NRCAM: variants seen among roughly 807,000 people sequenced by gnomAD.
The protein encoded by NRCAM is NgCAM-related cell adhesion molecule.
A neutral mutation model predicts 156.5 loss-of-function variants in NRCAM; 83 were observed. The ratio of observed to expected loss-of-function variants is 0.53; its 90% confidence interval spans 0.44 to 0.64. The LOEUF is 0.64. Ranked by LOEUF, NRCAM falls within the 30% of genes least tolerant of loss-of-function variation. The probability of loss-of-function intolerance (pLI) is 0.00; values close to 1 mark genes in which losing one functional copy is unlikely to be tolerated. For missense variants in NRCAM, 1,417 were observed against 1,597.3 expected (o/e 0.89, Z 1.92); for synonymous variants, 538 against 563.9 (o/e 0.95, Z 0.65).
At chr7:108,370,031 A>G (rs1044713724) in intron 2 of NRCAM, among the ~76,000 whole-genome samples, 32 of 152,174 alleles carry the variant, frequency 2.1e-4, no homozygotes, top group African/African-American at 7.2e-4. Flanking sequence ...GTCTGAAAAT[A>G]TTCGGTAATA....
At chr7:108,448,590 T>C (rs1847001507) in intron 1 of NRCAM, among the ~76,000 whole-genome samples, 1 of 152,062 alleles carries the variant, frequency 6.6e-6, no homozygotes, top group African/African-American at 2.4e-5. Context: ...GCTTTTTATT[T>C]CACTTATTAT....
chr7:108,346,610 G>A (rs1055301498), intron 2 of NRCAM, among the ~76,000 whole-genome samples: 2 of 152,124 alleles, frequency 1.3e-5, no homozygotes, highest in African/African-American at 4.8e-5. Flanking sequence ...AGGACAAAAA[G>A]TGCTGGGTTT....
At chr7:108,357,688 G>C (rs533841774) in intron 2 of NRCAM, among the ~76,000 whole-genome samples, 63 of 152,282 alleles carry the variant, frequency 4.1e-4, no homozygotes, top group African/African-American at 1.5e-3. Flanking sequence ...TGGTCTTAGA[G>C]ATTCTATTTA....
At chr7:108,374,816 T>G (rs2099665246) in intron 2 of NRCAM, among the ~76,000 whole-genome samples, 1 of 152,086 alleles carries the variant, frequency 6.6e-6, no homozygotes, top group Admixed American at 6.6e-5. Context: ...GATCAATGAT[T>G]AGGGAGAGCT....
Position 108,195,813 on chromosome 7 carries a change from G to T in NRCAM, c.1411C>A (p.Pro471Thr). The change falls in exon 15 of 33, where the codon CCT becomes ACT. Residue 471 changes from proline to threonine, a missense_variant. This residue lies in a region of NRCAM where 1,238 missense variants were observed against 1,336.4 expected (regional missense o/e 0.93). Transcript: ENST00000379028. Reference protein sequence around the residue: ...NTLYQVIANRPALLDCAFFGS... With the variant: ...NTLYQVIANRTALLDCAFFGS... ...AAGAAGGCACAGTCTAGTAAAGCAG[G>T]CCTGTTTGCAATGACCTGGTAGAGT... 1.9e-6 allele frequency: 3 copies of T among 1,613,672 alleles called. No homozygotes were observed. Among genetic ancestry groups the T allele is most frequent in the Non-Finnish European group, 2.5e-6 (3 of 1,179,714 alleles).
intron 8 of NRCAM, among the ~76,000 whole-genome samples, chr7:108,227,257 T>C (rs1172407725): frequency 6.6e-6 from 1 of 152,188 alleles, no homozygotes; most frequent in Non-Finnish European, 1.5e-5. Context: ...AGCATAATAA[T>C]TTATTAGTAC....
intron 30 of NRCAM, among the ~76,000 whole-genome samples, chr7:108,165,601 G>A (rs916182544): frequency 3.9e-5 from 6 of 152,088 alleles, no homozygotes; most frequent in Non-Finnish European, 8.8e-5. Flanking sequence ...TTAACACACT[G>A]GTTTCCCAGG....
chr7:108,192,208 A>T (rs1033366392), intron 17 of NRCAM, among the ~76,000 whole-genome samples: 1 of 151,656 alleles, frequency 6.6e-6, no homozygotes, highest in Admixed American at 6.6e-5. Flanking sequence ...CTTAGGCCCC[A>T]GGGGAATGGG....
intron 3 of NRCAM, among the ~76,000 whole-genome samples, chr7:108,305,463 A>G (rs1299027146): frequency 6.6e-6 from 1 of 152,124 alleles, no homozygotes. Context: ...GCCATTTAGG[A>G]AACTACATTA....
At chr7:108,293,701 GT>G (rs2098383441) in intron 3 of NRCAM, among the ~76,000 whole-genome samples, 1 of 152,104 alleles carries the variant, frequency 6.6e-6, no homozygotes, top group Non-Finnish European at 1.5e-5. Flanking sequence ...TTTCTAAAAG[GT>G]TTTCATATGT....
chr7:108,155,043 C>T (rs2044163263), intron 32 of NRCAM, among the ~76,000 whole-genome samples: 1 of 144,306 alleles, frequency 6.9e-6, no homozygotes, highest in South Asian at 2.3e-4. Flanking sequence ...GGAGAGTTTC[C>T]CAAATGATAT....
Position 108,206,821 on chromosome 7 carries a change from G to A in NRCAM, c.1207+707C>T, listed in dbSNP as rs547377410. On this transcript the variant is annotated intron_variant, in intron 13 of 32. Transcript: ENST00000379028. ...AAGCCACACGCTGGGAAGCATAGTGGTAGCTTGGAGATATTGGCTAATGAA... is the reference window on the plus strand; with the variant it reads ...AAGCCACACGCTGGGAAGCATAGTGATAGCTTGGAGATATTGGCTAATGAA... Among the ~76,000 whole-genome samples, 255 of 152,328 alleles carry A rather than the reference G, an allele frequency of 1.7e-3. 1 individual carries two copies. The highest frequency in any genetic ancestry group is 3.3e-3 in the Non-Finnish European group (222 of 68,038).
intron 3 of NRCAM, among the ~76,000 whole-genome samples, chr7:108,309,610 A>T (rs1432390979): frequency 2.0e-5 from 3 of 152,180 alleles, no homozygotes; most frequent in African/African-American, 7.2e-5. Context: ...TAATTCCAGT[A>T]CTTTGTGAGG....
intron 2 of NRCAM, among the ~76,000 whole-genome samples, chr7:108,352,871 T>C (rs1563394263): frequency 6.6e-6 from 1 of 152,106 alleles, no homozygotes; most frequent in Admixed American, 6.6e-5. Flanking sequence ...AATATAAGTT[T>C]AAAAAAACCC....
intron 8 of NRCAM, among the ~76,000 whole-genome samples, chr7:108,229,599 C>G (rs1427410327): frequency 6.6e-6 from 1 of 152,158 alleles, no homozygotes. Context: ...TTCCTGCTTC[C>G]CAGATCCTCT....
intron 1 of NRCAM, among the ~76,000 whole-genome samples, chr7:108,437,696 C>T (rs1244798805): frequency 2.0e-5 from 3 of 151,880 alleles, no homozygotes; most frequent in African/African-American, 4.8e-5. Context: ...TATGATCCTT[C>T]GAAAACAAAG....
chr7:108,341,937 C>T (rs1247294505), intron 2 of NRCAM, among the ~76,000 whole-genome samples: 2 of 152,130 alleles, frequency 1.3e-5, no homozygotes, highest in Non-Finnish European at 2.9e-5. Flanking sequence ...TCCCAAATAC[C>T]ATAGGAAGCA....
intron 6 of NRCAM, among the ~76,000 whole-genome samples, chr7:108,233,900 C>A (rs745795110): frequency 6.6e-6 from 1 of 152,136 alleles, no homozygotes; most frequent in Non-Finnish European, 1.5e-5. Flanking sequence ...CTTAGCATTA[C>A]CAGGCATCAG....
intron 1 of NRCAM, among the ~76,000 whole-genome samples, chr7:108,436,098 C>G (rs1831834779): frequency 6.6e-6 from 1 of 152,222 alleles, no homozygotes; most frequent in African/African-American, 2.4e-5. Flanking sequence ...GGCGCCACTG[C>G]ACTCCAGCCT....
Sources: allele counts gnomAD v4.1 joint callset (sites outside exome capture counted in the v4.1 genomes callset), GRCh38; gene constraint gnomAD v4.1.1; regional missense constraint gnomAD v4.1.1; transcripts MANE v1.5; gene names NCBI Gene and HGNC (gene_info 2026-07-23, HGNC 2026-07-21).